Variants in STARD13 observed in about 807,000 individuals in gnomAD.
STARD13 encodes the protein StAR related lipid transfer domain containing 13, also known as stAR-related lipid transfer protein 13.
In STARD13, 62 loss-of-function variants were observed where a neutral mutation model predicts 106.4. The observed-to-expected ratio is 0.58, with a 90% CI of 0.48 to 0.72. STARD13 has a LOEUF of 0.72. Among genes scored for constraint, STARD13 ranks in the 30% least tolerant of loss-of-function variants. STARD13 has a pLI of 0.00. For synonymous variants in STARD13, 565 were observed against 553.0 expected, an observed-to-expected ratio of 1.02 and a Z score of -0.31; for missense variants, 1,387 against 1,424.0, an observed-to-expected ratio of 0.97 and a Z score of 0.42.
chr13:33,407,749 G>T, the STARD13 span, among the ~76,000 whole-genome samples: 2 of 152,186 alleles, frequency 1.3e-5, no homozygotes, highest in African/African-American at 4.8e-5. Context: ...TGGCCTGGGA[G>T]TTAGAACATT....
At chr13:33,240,611 T>A (rs1889425562) in intron 1 of STARD13, among the ~76,000 whole-genome samples, 1 of 152,186 alleles carries the variant, frequency 6.6e-6, no homozygotes, top group Non-Finnish European at 1.5e-5. Flanking sequence ...GTTAAGTTTA[T>A]CCTTAAGTAT....
chr13:33,274,289 A>G (rs1172203093), intron 1 of STARD13, among the ~76,000 whole-genome samples: 1 of 152,164 alleles, frequency 6.6e-6, no homozygotes, highest in African/African-American at 2.4e-5. Flanking sequence ...CCCCAATCCA[A>G]TACGACTGGT....
chr13:33,392,581 G>C, the STARD13 span, among the ~76,000 whole-genome samples: 1 of 151,544 alleles, frequency 6.6e-6, no homozygotes, highest in Non-Finnish European at 1.5e-5. Flanking sequence ...TGTTCTTTTA[G>C]TAGAAAAGGG....
chr13:33,593,238 G>A, the STARD13 span, among the ~76,000 whole-genome samples: 4 of 151,990 alleles, frequency 2.6e-5, no homozygotes, highest in African/African-American at 9.7e-5. Context: ...AGGCTGGAGT[G>A]CAGTGGCAGG....
rs1356880571 is a variant in STARD13 at position 33,105,663 on chromosome 13, G to T, written c.3272C>A (p.Ala1091Glu). Residue 1091 changes from alanine to glutamate, a missense_variant, in exon 14 of 14, where the codon GCA (alanine) becomes GAA (glutamate). By Grantham distance (107) the Ala-to-Glu change is moderately radical. Coordinates refer to ENST00000336934, the MANE Select transcript of STARD13 (RefSeq NM_178006.4). ...WYSKGFGHLC[A>E]AEVARIRNSF... ...GTTTCTAATCCTGGCAACTTCTGCT[G>T]CACACAGATGTCCAAAGCCTTTGCT... 3.1e-6 allele frequency: 5 copies of T among 1,614,194 alleles called. No homozygotes were observed. Among genetic ancestry groups the T allele is most frequent in the Admixed American group, 1.7e-5 (1 of 60,028 alleles).
At chr13:33,284,227 C>G (rs527943198) in intron 1 of STARD13, among the ~76,000 whole-genome samples, 7 of 152,296 alleles carry the variant, frequency 4.6e-5, no homozygotes, top group African/African-American at 1.7e-4. Context: ...GAAGGACCAG[C>G]ATCCTTCACA....
At chr13:33,273,205 A>G (rs1020656151) in intron 1 of STARD13, among the ~76,000 whole-genome samples, 7 of 152,238 alleles carry the variant, frequency 4.6e-5, no homozygotes, top group African/African-American at 1.7e-4. Context: ...CTAATACAAG[A>G]CTATAATTTC....
At chr13:33,375,989 T>A in the STARD13 span, among the ~76,000 whole-genome samples, 1 of 152,202 alleles carries the variant, frequency 6.6e-6, no homozygotes, top group Non-Finnish European at 1.5e-5. Flanking sequence ...TTACTTAATG[T>A]ACTTAATATT....
chr13:33,108,732 C>A (rs1874113518), intron 12 of STARD13, among the ~76,000 whole-genome samples: 1 of 152,226 alleles, frequency 6.6e-6, no homozygotes, highest in African/African-American at 2.4e-5. Context: ...CTCAGGCCCT[C>A]AGCCTCCTCT....
the STARD13 span, among the ~76,000 whole-genome samples, chr13:33,647,992 T>C: frequency 2.0e-5 from 3 of 152,186 alleles, no homozygotes; most frequent in Non-Finnish European, 2.9e-5. Flanking sequence ...CGTGCTCTGT[T>C]CTAGGATATA....
chr13:33,531,677 G>C, the STARD13 span, among the ~76,000 whole-genome samples: 3 of 152,160 alleles, frequency 2.0e-5, no homozygotes, highest in Non-Finnish European at 2.9e-5. Flanking sequence ...AACAGACATA[G>C]AGATAGAAAG....
chr13:33,424,495 G>C, the STARD13 span, among the ~76,000 whole-genome samples: 5 of 152,100 alleles, frequency 3.3e-5, no homozygotes, highest in African/African-American at 1.2e-4. Context: ...TATGAAAAAA[G>C]GAATCCTGAA....
the STARD13 span, among the ~76,000 whole-genome samples, chr13:33,518,041 T>C: frequency 2.0e-5 from 3 of 151,662 alleles, no homozygotes; most frequent in Middle Eastern, 3.4e-3. Context: ...AACAACAATC[T>C]TGAAGCTTTT....
At chr13:33,318,921 A>C (rs756489502) in intron 1 of STARD13, among the ~76,000 whole-genome samples, 1 of 152,170 alleles carries the variant, frequency 6.6e-6, no homozygotes, top group Non-Finnish European at 1.5e-5. Flanking sequence ...GTTGATTAGG[A>C]GTAGAGAAAT....
chr13:33,280,203 T>C (rs191015936), intron 1 of STARD13: 3 of 152,232 alleles, frequency 2.0e-5, no homozygotes, highest in African/African-American at 7.2e-5. Context: ...GGATGGGCCA[T>C]GTTCACCACT....
At chr13:33,623,515 G>A in the STARD13 span, among the ~76,000 whole-genome samples, 1 of 148,844 alleles carries the variant, frequency 6.7e-6, no homozygotes, top group Non-Finnish European at 1.5e-5. Context: ...GTGTATGTAT[G>A]TACATACATA....
At chr13:33,566,338 G>C in the STARD13 span, among the ~76,000 whole-genome samples, 1 of 148,048 alleles carries the variant, frequency 6.8e-6, no homozygotes, top group Non-Finnish European at 1.5e-5. Flanking sequence ...TTAGGGGTTG[G>C]TACTATCTGC....
intron 5 of STARD13, 57 bp downstream of exon 5, chr13:33,128,872 A>G (rs1249355628): frequency 6.6e-7 from 1 of 1,517,862 alleles, no homozygotes; most frequent in East Asian, 2.3e-5. Flanking sequence ...AGAAATAAAC[A>G]GAACACAATT....
the STARD13 span, among the ~76,000 whole-genome samples, chr13:33,471,327 T>C: frequency 6.6e-6 from 1 of 152,230 alleles, no homozygotes; most frequent in Non-Finnish European, 1.5e-5. Context: ...GGAAAGGTCT[T>C]TCTGCATAAT....
Sources: gnomAD v4.1 joint callset for allele counts (sites outside exome capture counted in the v4.1 genomes callset) on GRCh38, gnomAD v4.1.1 for gene constraint, MANE v1.5 for transcripts, NCBI Gene and HGNC (gene_info 2026-07-23, HGNC 2026-07-21) for gene names.